PKP4: variants seen among roughly 807,000 people sequenced by gnomAD.
PKP4 encodes the protein plakophilin-4.
Under a neutral mutation model 145.1 loss-of-function variants are expected in PKP4, and 90 were observed. The ratio of observed to expected loss-of-function variants is 0.62; its 90% confidence interval spans 0.52 to 0.74. PKP4 has a LOEUF of 0.74. Among genes scored for constraint, PKP4 ranks in the 30% least tolerant of loss-of-function variants. The probability of loss-of-function intolerance (pLI) is 0.00; values close to 1 mark genes in which losing one functional copy is unlikely to be tolerated. For missense variants in PKP4, 1,340 were observed against 1,482.7 expected, an observed-to-expected ratio of 0.90 and a Z score of 1.58; for synonymous variants, 563 against 577.2, an observed-to-expected ratio of 0.98 and a Z score of 0.35.
chr2:158,558,039 G>C (rs891569498), intron 2 of PKP4, among the ~76,000 whole-genome samples: 9 of 152,210 alleles, frequency 5.9e-5, no homozygotes, highest in Non-Finnish European at 1.3e-4. Context: ...AGCCATGGGA[G>C]CAGCAGAGGC....
At chr2:158,533,371 A>G (rs2043749317) in intron 2 of PKP4, 55 bp downstream of exon 2, 2 of 1,592,558 alleles carry the variant, frequency 1.3e-6, no homozygotes, top group Admixed American at 1.7e-5. Flanking sequence ...CCTTTAAAAA[A>G]TTAATCTTTG....
At chr2:158,466,594 A>G (rs1474731161) in intron 1 of PKP4, among the ~76,000 whole-genome samples, 1 of 151,900 alleles carries the variant, frequency 6.6e-6, no homozygotes, top group African/African-American at 2.4e-5. Context: ...AGTCCCAGCT[A>G]CTTGGGAGGC....
intron 7 of PKP4, among the ~76,000 whole-genome samples, chr2:158,629,967 C>T (rs1032737320): frequency 1.3e-5 from 2 of 152,240 alleles, no homozygotes; most frequent in South Asian, 2.1e-4. Context: ...CTCCTGACCT[C>T]GTGATCTACG....
chr2:158,584,014 G>T (rs116674173), intron 3 of PKP4, among the ~76,000 whole-genome samples: 5,495 of 152,214 alleles, frequency 0.036, 234 homozygotes, highest in African/African-American at 0.1. Context: ...GTTACATGAC[G>T]GGTAAGGGGG....
chr2:158,509,308 A>G lies in PKP4; in HGVS notation c.-5-23872A>G, dbSNP rs375519153. ...TAACAATATTTTAAGAGATATAAAC[A>G]CAGTTAAAATCTTTGAGGTATTTTA... On this transcript the variant is annotated intron_variant, in intron 1 of 21. Transcript: ENST00000389759. Among the ~76,000 whole-genome samples, 5 of 152,232 alleles carry G rather than the reference A, an allele frequency of 3.3e-5. No homozygotes were observed. In the East Asian group the frequency reaches 5.8e-4, roughly 18 times the overall value.
chr2:158,468,132 C>A (rs1690945540), intron 1 of PKP4, among the ~76,000 whole-genome samples: 1 of 152,160 alleles, frequency 6.6e-6, no homozygotes, highest in African/African-American at 2.4e-5. Context: ...GGGGGAAATG[C>A]CCAGGAATAC....
intron 1 of PKP4, among the ~76,000 whole-genome samples, chr2:158,510,688 G>A (rs2041422605): frequency 6.6e-6 from 1 of 152,210 alleles, no homozygotes; most frequent in Non-Finnish European, 1.5e-5. Context: ...TGGAGTTCCA[G>A]GAGGGCTGGG....
At chr2:158,479,025 G>A (rs998877012) in intron 1 of PKP4, among the ~76,000 whole-genome samples, 18 of 152,268 alleles carry the variant, frequency 1.2e-4, no homozygotes, top group African/African-American at 4.1e-4. Flanking sequence ...CTTCCATGGA[G>A]AGACTTGTTT....
intron 1 of PKP4, among the ~76,000 whole-genome samples, chr2:158,459,800 CACACACACACACG>C (rs993036546): frequency 3.9e-5 from 6 of 151,952 alleles, no homozygotes; most frequent in Admixed American, 6.6e-5. Flanking sequence ...CACACACACA[CACACACACACACG>C]ACACACACAC....
At chr2:158,495,607 G>A (rs1261520621) in intron 1 of PKP4, among the ~76,000 whole-genome samples, 1 of 151,882 alleles carries the variant, frequency 6.6e-6, no homozygotes, top group East Asian at 1.9e-4. Flanking sequence ...AGGCCAAGGA[G>A]GTCCTGACTT....
At chr2:158,508,349 A>G (rs1368250835) in intron 1 of PKP4, among the ~76,000 whole-genome samples, 1 of 135,228 alleles carries the variant, frequency 7.4e-6, no homozygotes, top group African/African-American at 2.8e-5. Flanking sequence ...CTGGGCAACA[A>G]GAGCAAAACT....
At position 158,542,669 on chromosome 2, in the gene PKP4, G is replaced by C. The variant is rs150970432; in HGVS notation, c.132+9353G>C. Among the ~76,000 whole-genome samples the C allele has an allele frequency of 3.3e-5, 5 of 152,192 alleles. No homozygotes were observed. In the East Asian group the frequency reaches 7.7e-4, roughly 24 times the overall value. Reference sequence around the variant, plus strand: ...CAGTAGATCAGAAATGCAAAGAATGGATCATCTCTGACAGGTCTGCCATTG... The same window carrying C: ...CAGTAGATCAGAAATGCAAAGAATGCATCATCTCTGACAGGTCTGCCATTG... On this transcript the variant is annotated intron_variant, in intron 2 of 21. Transcript: ENST00000389759.
At chr2:158,670,354 G>A (rs1399463131) in intron 17 of PKP4, among the ~76,000 whole-genome samples, 1 of 152,188 alleles carries the variant, frequency 6.6e-6, no homozygotes, top group Non-Finnish European at 1.5e-5. Flanking sequence ...GGTAGAAGGA[G>A]GGAGAGGTCT....
chr2:158,555,791 C>G (rs1297621973), intron 2 of PKP4, among the ~76,000 whole-genome samples: 1 of 152,122 alleles, frequency 6.6e-6, no homozygotes, highest in Non-Finnish European at 1.5e-5. Context: ...GTTGTACAAC[C>G]CACAGACATA....
At chr2:158,487,254 C>T (rs1694300957) in intron 1 of PKP4, among the ~76,000 whole-genome samples, 1 of 152,106 alleles carries the variant, frequency 6.6e-6, no homozygotes, top group Non-Finnish European at 1.5e-5. Flanking sequence ...TTAACTGGCA[C>T]AAAGCCTTTT....
chr2:158,608,808 CTTTTTTTTTTTT>C (rs66933766), intron 4 of PKP4, among the ~76,000 whole-genome samples: 26 of 86,170 alleles, frequency 3.0e-4, no homozygotes, highest in Admixed American at 2.7e-3. Flanking sequence ...TCTTTTCTTT[CTTTTTTTTTTTT>C]TTTTTTTTTT....
intron 2 of PKP4, among the ~76,000 whole-genome samples, chr2:158,559,035 C>A (rs996170641): frequency 6.6e-6 from 1 of 152,142 alleles, no homozygotes; most frequent in Non-Finnish European, 1.5e-5. Flanking sequence ...TTAGTTTTTT[C>A]TCTTCATCTT....
intron 4 of PKP4, among the ~76,000 whole-genome samples, chr2:158,614,564 T>A (rs1374069854): frequency 2.0e-5 from 3 of 152,202 alleles, no homozygotes; most frequent in Non-Finnish European, 4.4e-5. Flanking sequence ...GCCTTTCAAG[T>A]TTAGAACGAT....
At chr2:158,612,182 C>A (rs1023344796) in intron 4 of PKP4, among the ~76,000 whole-genome samples, 1 of 151,960 alleles carries the variant, frequency 6.6e-6, no homozygotes, top group African/African-American at 2.4e-5. Flanking sequence ...AGACTGTTAA[C>A]TGTGTTTGTA....
Sources: gnomAD v4.1 joint callset for allele counts (sites outside exome capture counted in the v4.1 genomes callset) on GRCh38, gnomAD v4.1.1 for gene constraint, MANE v1.5 for transcripts, NCBI Gene and HGNC (gene_info 2026-07-23, HGNC 2026-07-21) for gene names.